Variants in PER3 observed in about 807,000 individuals in gnomAD.
The protein encoded by PER3 is period circadian regulator 3.
A neutral mutation model predicts 127.2 loss-of-function variants in PER3; 107 were observed. The ratio of observed to expected loss-of-function variants is 0.84; its 90% CI spans 0.72 to 0.99. The LOEUF is 0.99. Ranked by LOEUF, PER3 falls within the 50% of genes least tolerant of loss-of-function variation. PER3 has a pLI of 0.00. For missense variants in PER3, 1,560 were observed against 1,525.8 expected (o/e 1.02, Z -0.37); for synonymous variants, 618 against 585.8 (o/e 1.05, Z -0.79).
chr1:7,791,549 C>T (rs1269472721), intron 5 of PER3, among the ~76,000 whole-genome samples: 1 of 152,206 alleles, frequency 6.6e-6, no homozygotes, highest in Non-Finnish European at 1.5e-5. Context: ...AAGACATTTT[C>T]CCCATTGTCT....
At position 7,826,651 on chromosome 1, in the gene PER3, C is replaced by CGGTG. The variant is rs1439136656; in HGVS notation, c.2129_2130insGGTG (p.Tyr711ValfsTer15). ...TTCCGAGAAAAGATCCTGTCATCACCCTACAGCTCCTATCTTCAGCAAGAA... is the reference window on the plus strand; with the variant it reads ...TTCCGAGAAAAGATCCTGTCATCACCGGTGCTACAGCTCCTATCTTCAGCAAGAA... On this transcript the variant is annotated frameshift_variant, in exon 17 of 22. Transcript: ENST00000377532. LOFTEE classifies it high-confidence loss of function. The surrounding 1 kb of genome is among the most constrained non-coding windows in gnomAD (Gnocchi z 4.2). 1.2e-6 allele frequency: 2 copies of CGGTG among 1,613,284 alleles called. No homozygotes were observed. Among genetic ancestry groups the CGGTG allele is most frequent in the Non-Finnish European group, 1.7e-6 (2 of 1,179,412 alleles).
chr1:7,840,106 A>G (rs1251060658), intron 21 of PER3, among the ~76,000 whole-genome samples: 3 of 151,870 alleles, frequency 2.0e-5, no homozygotes, highest in East Asian at 1.9e-4. Flanking sequence ...GACAGTTTCA[A>G]TTGTCCGGTC....
chr1:7,827,705 A>C lies in PER3; in HGVS notation c.2776A>C (p.Thr926Pro), dbSNP rs754181452. Reference sequence around the variant, plus strand: ...ACAAAGCGAGGGGCACCCGTTCATTACTTCGAGAAGCAGCTCACCCTTGCA... The same window carrying C: ...ACAAAGCGAGGGGCACCCGTTCATTCCTTCGAGAAGCAGCTCACCCTTGCA... ...EAQSEGHPFITSRSSSPLQLN... is the reference protein window; with the variant it reads ...EAQSEGHPFIPSRSSSPLQLN... The change falls in exon 18 of 22, where the codon ACT (threonine) becomes CCT (proline). Residue 926 changes from threonine (T) to proline (P), a missense_variant. By Grantham distance (38) the Thr-to-Pro change is conservative. Transcript: ENST00000377532. The C allele has an allele frequency of 6.2e-7, 1 of 1,614,074 alleles. No homozygotes were observed. Among genetic ancestry groups the C allele is most frequent in the African/African-American group, 1.3e-5 (1 of 74,932 alleles).
intron 2 of PER3, 32 bp from the exon 3 acceptor site, chr1:7,785,409 G>A: frequency 6.3e-7 from 1 of 1,582,414 alleles, no homozygotes. Flanking sequence ...TGTCTTCAGA[G>A]GATGAAGTTG....
In PER3 at chr1:7,844,024, A is replaced by T; in HGVS notation, c.*1269A>T. On this transcript the variant is annotated 3_prime_UTR_variant, in exon 22 of 22. Transcript: ENST00000377532. ...TGTTGTCTTTATATAACTTGCAACAAACTAATTTATTTTTTTTTCCTTTTT... is the reference window on the plus strand; with the variant it reads ...TGTTGTCTTTATATAACTTGCAACATACTAATTTATTTTTTTTTCCTTTTT... 9.2e-7 allele frequency: 1 copy of T among 1,081,440 alleles called. No homozygotes were observed. The highest frequency in any genetic ancestry group is 1.2e-6 in the Non-Finnish European group (1 of 860,204). The allele number at this position is 1,081,440 out of a possible 1,614,324, so 67.0% of individuals were successfully genotyped here.
chr1:7,803,234 G>A (rs1444377679), intron 9 of PER3, 81 bp downstream of exon 9: 23 of 831,530 alleles, frequency 2.8e-5, no homozygotes, highest in South Asian at 1.9e-4. Flanking sequence ...TCATTAGAGC[G>A]CAACCTTTAA....
At chr1:7,833,476 C>T (rs2097342509) in intron 19 of PER3, among the ~76,000 whole-genome samples, 2 of 152,068 alleles carry the variant, frequency 1.3e-5, no homozygotes, top group South Asian at 2.1e-4. Flanking sequence ...ATTATTATAT[C>T]CTCTTGATGA....
chr1:7,792,627 C>A (rs1049959098), intron 5 of PER3, among the ~76,000 whole-genome samples: 1 of 152,278 alleles, frequency 6.6e-6, no homozygotes, highest in South Asian at 2.1e-4. Context: ...GCCTGCGTTA[C>A]CCCCTTCGAT....
At chr1:7,811,259 GT>G (rs2150872855) in intron 13 of PER3, among the ~76,000 whole-genome samples, 1 of 152,308 alleles carries the variant, frequency 6.6e-6, no homozygotes, top group Non-Finnish European at 1.5e-5. Context: ...GTCACTAAAT[GT>G]TATTAACCTC....
At chr1:7,787,834 T>C in intron 4 of PER3, 1 of 581,018 alleles carries the variant, frequency 1.7e-6, no homozygotes, top group Middle Eastern at 4.6e-4. Context: ...GGCATAGAAA[T>C]TGAACCTTCA....
chr1:7,796,815 G>A (rs2097147839), intron 6 of PER3, among the ~76,000 whole-genome samples: 1 of 152,158 alleles, frequency 6.6e-6, no homozygotes. Context: ...GCCAAGAAGC[G>A]ATATTCTGGA....
chr1:7,834,682 TC>T (rs1238628497), intron 19 of PER3, among the ~76,000 whole-genome samples: 1 of 151,990 alleles, frequency 6.6e-6, no homozygotes, highest in Non-Finnish European at 1.5e-5. Flanking sequence ...GGTTTCAAAC[TC>T]CTGGCCTCAA....
rs777106025 is a variant in PER3 at position 7,812,888 on chromosome 1, CTT to C, written c.1522+2302_1522+2303del. Among the ~76,000 whole-genome samples, 134 of 152,220 alleles carry C rather than the reference CTT, an allele frequency of 8.8e-4. 1 individual carries two copies. Among genetic ancestry groups the C allele is most frequent in the Middle Eastern group, 3.4e-3 (1 of 294 alleles). ...AAAGAGCTACAGAAACCTTTATACT[CTT>C]TGCTTGAGAGACATGAGGATGCAAC... is the stretch of plus-strand genomic sequence containing the variant. On this transcript the variant is annotated intron_variant, in intron 13 of 21. Coordinates refer to ENST00000377532, the MANE Select transcript of PER3 (RefSeq NM_001377275.1).
intron 19 of PER3, 115 bp downstream of exon 19, chr1:7,830,276 T>A: frequency 1.1e-6 from 1 of 890,034 alleles, no homozygotes; most frequent in Non-Finnish European, 1.7e-6. Flanking sequence ...TTTTTTTCTT[T>A]TTCCCTTTTT....
At position 7,784,965 on chromosome 1, in the gene PER3, G is replaced by C; in HGVS notation, c.88G>C (p.Glu30Gln). The C allele has an allele frequency of 6.4e-7, 1 of 1,556,926 alleles. No homozygotes were observed. Among genetic ancestry groups the C allele is most frequent in the African/African-American group, 1.4e-5 (1 of 70,194 alleles). Residue 30 changes from glutamate to glutamine, a missense_variant, in exon 2 of 22, where the codon GAG becomes CAG. Coordinates refer to ENST00000377532, the MANE Select transcript of PER3 (RefSeq NM_001377275.1). ...AGAATCGGGGGAGCGGTGGAGCCCC[G>C]AGTTCCATCTGCAGAGGAAATTGGC... Reference protein sequence around the residue: ...GEESGERWSPEFHLQRKLADS... With the variant: ...GEESGERWSPQFHLQRKLADS...
In PER3 at chr1:7,796,319, CT is replaced by C. The variant is rs71567315; in HGVS notation, c.645-2189del. 2.8e-3 allele frequency among the ~76,000 whole-genome samples: 310 copies of C among 109,808 alleles called. 2 individuals carry two copies. Among genetic ancestry groups the C allele is most frequent in the African/African-American group, 8.6e-3 (267 of 30,902 alleles). The allele number at this position is 109,808 out of a possible 152,430, so 72.0% of individuals were successfully genotyped here. A position where few individuals can be genotyped will look rare whatever the true frequency, so the allele number is the denominator to read the frequency against. On this transcript the variant is annotated intron_variant, in intron 6 of 21. Transcript: ENST00000377532. Reference sequence around the variant, plus strand: ...GGTAGGAAACGTTCATTTCAGTTTCCTTTTTTTTTTTTTTTTTGAGACAGGA... The same window carrying C: ...GGTAGGAAACGTTCATTTCAGTTTCCTTTTTTTTTTTTTTTTGAGACAGGA...
chr1:7,827,878 G>T, intron 18 of PER3, 63 bp downstream of exon 18: 1 of 1,317,026 alleles, frequency 7.6e-7, no homozygotes, highest in Admixed American at 1.9e-5. Flanking sequence ...AGTTAAGGTG[G>T]TTGCGTTGGG....
intron 13 of PER3, among the ~76,000 whole-genome samples, chr1:7,812,862 T>TA (rs2150906256): frequency 6.6e-6 from 1 of 152,272 alleles, no homozygotes; most frequent in Admixed American, 6.5e-5. Flanking sequence ...CCTACAAGTT[T>TA]AAAGAGCTAC....
At chr1:7,788,271 C>CT in intron 5 of PER3, 25 bp downstream of exon 5, 1 of 1,474,170 alleles carries the variant, frequency 6.8e-7, no homozygotes, top group Non-Finnish European at 9.5e-7. Flanking sequence ...GTTCAGATGT[C>CT]TATCTTTCCT....
Sources: allele counts gnomAD v4.1 joint callset (sites outside exome capture counted in the v4.1 genomes callset), GRCh38; gene constraint gnomAD v4.1.1; non-coding constraint Gnocchi (gnomAD v3.1); transcripts MANE v1.5; gene names NCBI Gene and HGNC (gene_info 2026-07-23, HGNC 2026-07-21).